Variants in TTI1 observed in about 807,000 individuals in gnomAD.
The protein encoded by TTI1 is TELO2-interacting protein 1 homolog.
Under a neutral mutation model 85.4 loss-of-function variants are expected in TTI1, and 52 were observed. The ratio of observed to expected loss-of-function variants is 0.61; its 90% CI spans 0.49 to 0.77. The LOEUF (loss-of-function observed/expected upper bound fraction) is 0.77, where lower values mean the gene tolerates loss of function less well. TTI1 is among the 30% of genes least tolerant of loss of function. TTI1 has a pLI of 0.00. For missense variants in TTI1, 1,173 were observed against 1,296.0 expected (o/e 0.91, Z 1.46); for synonymous variants, 512 against 503.9 (o/e 1.02, Z -0.22).
chr20:37,992,016 G>A (rs912894552), intron 7 of TTI1, among the ~76,000 whole-genome samples: 2 of 152,216 alleles, frequency 1.3e-5, no homozygotes, highest in Non-Finnish European at 2.9e-5. Context: ...AAGCAAGACT[G>A]CTACTTTTTC....
At chr20:37,985,840 C>G (rs1453738721) in intron 7 of TTI1, among the ~76,000 whole-genome samples, 1 of 152,060 alleles carries the variant, frequency 6.6e-6, no homozygotes, top group Non-Finnish European at 1.5e-5. Context: ...GAATTTTTTC[C>G]TGGCCTGTTC....
intron 7 of TTI1, 40 bp from the exon 8 acceptor site, chr20:37,983,679 A>T: frequency 4.8e-6 from 7 of 1,447,932 alleles, no homozygotes; most frequent in Non-Finnish European, 6.4e-6. Flanking sequence ...GGGTACAGAG[A>T]GGGAAGGCGG....
intron 1 of TTI1, among the ~76,000 whole-genome samples, chr20:38,017,404 T>TTGTGTGTGTG (rs66542554): frequency 0.019 from 2,707 of 146,186 alleles, 36 homozygotes; most frequent in South Asian, 0.051. Context: ...AATCAATAGC[T>TTGTGTGTGTG]TGTGTGTGTG....
chr20:37,996,299 A>C (rs762721151), intron 7 of TTI1, 76 bp downstream of exon 7: 1 of 1,497,538 alleles, frequency 6.7e-7, no homozygotes, highest in Non-Finnish European at 9.3e-7. Flanking sequence ...GAGATGCCTC[A>C]ACTCTGCTTG....
Position 38,030,687 on chromosome 20 carries a change from C to T in TTI1, c.-42+2717G>A, listed in dbSNP as rs143036469. ...AGAAAAATCACATAATCATATCATC[C>T]TCACCTTTCAGACCTCTATATGTTG... On this transcript the variant is annotated intron_variant, in intron 1 of 7. Coordinates refer to ENST00000373447, the MANE Select transcript of TTI1 (RefSeq NM_001303457.2). Among the ~76,000 whole-genome samples, 629 of 152,226 alleles carry T rather than the reference C, an allele frequency of 4.1e-3. 3 individuals carry two copies. The highest frequency in any genetic ancestry group is 0.013 in the African/African-American group (543 of 41,532).
chr20:37,992,119 C>A (rs552540496), intron 7 of TTI1, among the ~76,000 whole-genome samples: 1 of 152,164 alleles, frequency 6.6e-6, no homozygotes, highest in Non-Finnish European at 1.5e-5. Flanking sequence ...CCAGGACTTG[C>A]GTGGCCAGAA....
At position 38,012,829 on chromosome 20, in the gene TTI1, C is replaced by T. The variant is rs2073620241; in HGVS notation, c.988G>A (p.Gly330Ser). The change falls in exon 2 of 8, where the codon GGT becomes AGT. Residue 330 changes from glycine (G) to serine (S), a missense_variant. Gly to Ser is a moderately conservative substitution (Grantham distance 56). Coordinates refer to ENST00000373447, the MANE Select transcript of TTI1 (RefSeq NM_001303457.2). Reference sequence around the variant, plus strand: ...CCCACTAAGGCCTTCAGAAGGGGACCAGCACATTCGACCAATGATTGACTG... The same window carrying T: ...CCCACTAAGGCCTTCAGAAGGGGACTAGCACATTCGACCAATGATTGACTG... The part of the protein sequence containing the change: ...KCSQSLVECA[G>S]PLLKALVGLV... 2 of 1,614,044 alleles carry T rather than the reference C, an allele frequency of 1.2e-6. No individual in the cohort carries two copies. The highest frequency in any genetic ancestry group is 1.7e-5 in the Admixed American group (1 of 59,996).
In TTI1 at chr20:38,012,233, T is replaced by C; in HGVS notation, c.1584A>G (p.Glu528=). Reference sequence around the variant, plus strand: ...CCAGCCCAGCAGCCCCTGTAACCAGTTCATTAAGGATCATGGCAGCTTGCT... The same window carrying C: ...CCAGCCCAGCAGCCCCTGTAACCAGCTCATTAAGGATCATGGCAGCTTGCT... ...YRKQAAMILN[E]LVTGAAGLEV... Residue 528 remains glutamate (E), a synonymous_variant, in exon 2 of 8, where the codon GAA becomes GAG. Transcript: ENST00000373447. 1.9e-6 allele frequency: 3 copies of C among 1,614,232 alleles called. No homozygotes were observed. Among genetic ancestry groups the C allele is most frequent in the South Asian group, 1.1e-5 (1 of 91,082 alleles).
chr20:38,032,022 TACTC>T (rs1413402550), intron 1 of TTI1, among the ~76,000 whole-genome samples: 1 of 152,234 alleles, frequency 6.6e-6, no homozygotes, highest in Non-Finnish European at 1.5e-5. Flanking sequence ...TATGACTAGA[TACTC>T]ACTGTATGAT....
rs1317093416 is a variant in TTI1 at position 38,029,241 on chromosome 20, G to GA, written c.-42+4162dup. Among the ~76,000 whole-genome samples, 5 of 150,748 alleles carry GA rather than the reference G, an allele frequency of 3.3e-5. No individual in the cohort carries two copies. The East Asian group carries it at 7.8e-4, about 23-fold the overall frequency. On this transcript the variant is annotated intron_variant, in intron 1 of 7. Coordinates refer to ENST00000373447, the MANE Select transcript of TTI1 (RefSeq NM_001303457.2). Reference sequence around the variant, plus strand: ...AGAGAGGAAACCTTAAGGGAAATTAGAAAAAAAATAGGGAAATGAATGAAA... The same window carrying GA: ...AGAGAGGAAACCTTAAGGGAAATTAGAAAAAAAAATAGGGAAATGAATGAAA...
Position 38,023,233 on chromosome 20 carries a change from T to C in TTI1, c.-41-9376A>G, listed in dbSNP as rs371093740. 2.8e-4 allele frequency among the ~76,000 whole-genome samples: 42 copies of C among 152,306 alleles called. No homozygotes were observed. The East Asian group carries it at 7.7e-3, about 28-fold the overall frequency. ...AAGCAGGTGTCAGACTTGGGATTCATCTCAAGCCCGCCTGACTCCAAAGGC... is the reference window on the plus strand; with the variant it reads ...AAGCAGGTGTCAGACTTGGGATTCACCTCAAGCCCGCCTGACTCCAAAGGC... On this transcript the variant is annotated intron_variant, in intron 1 of 7. Transcript: ENST00000373447.
chr20:38,006,162 A>G, intron 3 of TTI1, 35 bp downstream of exon 3: 1 of 1,610,390 alleles, frequency 6.2e-7, no homozygotes, highest in Non-Finnish European at 8.5e-7. Context: ...TGTTTCAGAA[A>G]GAAAAAACCA....
At chr20:38,022,918 T>G (rs564181724) in intron 1 of TTI1, among the ~76,000 whole-genome samples, 1 of 152,174 alleles carries the variant, frequency 6.6e-6, no homozygotes, top group Non-Finnish European at 1.5e-5. Flanking sequence ...GTGATTTCCA[T>G]GAATTTTATC....
chr20:38,018,754 A>C (rs1208679158), intron 1 of TTI1, among the ~76,000 whole-genome samples: 1 of 152,130 alleles, frequency 6.6e-6, no homozygotes, highest in Non-Finnish European at 1.5e-5. Context: ...ATAGAATGCT[A>C]TCTAAAGAAA....
intron 1 of TTI1, among the ~76,000 whole-genome samples, chr20:38,021,258 T>C (rs2122632271): frequency 6.6e-6 from 1 of 152,090 alleles, no homozygotes; most frequent in Non-Finnish European, 1.5e-5. Context: ...ATTGCTACTT[T>C]GGCATAACAC....
In TTI1 at chr20:37,983,463, A is replaced by T. The variant is rs760500969; in HGVS notation, c.3263T>A (p.Leu1088Gln). ...TGTGGTGGGGGAGCAGGGTCACTGC[A>T]GCTCCTTGAGCAGCTGGAGCACGTT... Reference protein sequence around the residue: ...TTNVLQLLKELQ With the variant: ...TTNVLQLLKEQQ Residue 1088 changes from leucine to glutamine, a missense_variant, in exon 8 of 8, where the codon CTG (leucine) becomes CAG (glutamine). Physicochemically the swap from Leu to Gln is moderately radical, Grantham distance 113. Transcript: ENST00000373447. The T allele has an allele frequency of 1.2e-6, 2 of 1,610,232 alleles. No individual in the cohort carries two copies. The highest frequency in any genetic ancestry group is 3.3e-5 in the Admixed American group (2 of 59,874).
chr20:37,999,371 C>T (rs2073388738), intron 4 of TTI1, 43 bp from the exon 5 acceptor site: 10 of 1,342,772 alleles, frequency 7.4e-6, no homozygotes, highest in Non-Finnish European at 9.7e-6. Flanking sequence ...GGCTTGAAAA[C>T]AGATACCTGG....
Position 37,983,213 on chromosome 20 carries a change from AACCCTTAGAGCC to A in TTI1, c.*231_*242del. Reference sequence around the variant, plus strand: ...ATAGAGATGGTAGGCTAAGGGGTTAAACCCTTAGAGCCACCAGACAATGTCACTTGACAACAC... The same window carrying A: ...ATAGAGATGGTAGGCTAAGGGGTTAAACCAGACAATGTCACTTGACAACAC... On this transcript the variant is annotated 3_prime_UTR_variant, in exon 8 of 8. Transcript: ENST00000373447. The A allele has an allele frequency of 2.3e-6, 1 of 442,944 alleles. No homozygotes were observed. Among genetic ancestry groups the A allele is most frequent in the Non-Finnish European group, 4.1e-6 (1 of 242,762 alleles). 27.4% of individuals were successfully genotyped at this position (442,944 alleles called of 1,614,324 possible).
chr20:38,006,014 A>G (rs1321131396), intron 3 of TTI1, 183 bp downstream of exon 3: 5 of 731,734 alleles, frequency 6.8e-6, no homozygotes, highest in Non-Finnish European at 1.1e-5. Flanking sequence ...AACCACGGAA[A>G]AACAGTTTTG....
Sources: allele counts gnomAD v4.1 joint callset (sites outside exome capture counted in the v4.1 genomes callset), GRCh38; gene constraint gnomAD v4.1.1; transcripts MANE v1.5; gene names NCBI Gene and HGNC (gene_info 2026-07-23, HGNC 2026-07-21).